Variants in FAM124A observed in about 807,000 individuals in gnomAD.
FAM124A encodes the protein family with sequence similarity 124 member A.
FAM124A carries 23 observed loss-of-function variants against 24.5 expected under a neutral mutation model. The ratio of observed to expected loss-of-function variants is 0.94; its 90% confidence interval spans 0.68 to 1.33. The LOEUF (loss-of-function observed/expected upper bound fraction) is 1.33, where lower values mean the gene tolerates loss of function less well. Ranked by LOEUF, FAM124A falls within the 40% of genes most tolerant of loss-of-function variation. FAM124A has a pLI of 0.00. For synonymous variants in FAM124A, 287 were observed against 314.7 expected (o/e 0.91, Z 0.93); for missense variants, 623 against 722.8 (o/e 0.86, Z 1.58).
In FAM124A at chr13:51,222,417, G is replaced by T; in HGVS notation, c.-85G>T. On this transcript the variant is annotated 5_prime_UTR_variant, in exon 1 of 4. Coordinates refer to ENST00000322475, the MANE Select transcript of FAM124A (RefSeq NM_001242312.2). ...GCCGCCAGACGCTCGGAGGGAGCCC[G>T]GCCGGCTCGGACTGGGCGGCCGGGA... is the stretch of plus-strand genomic sequence containing the variant. 8.9e-7 allele frequency: 1 copy of T among 1,123,290 alleles called. No homozygotes were observed. Among genetic ancestry groups the T allele is most frequent in the Non-Finnish European group, 1.1e-6 (1 of 909,124 alleles). The allele number at this position is 1,123,290 out of a possible 1,614,324, so 69.6% of individuals were successfully genotyped here. A position where few individuals can be genotyped will look rare whatever the true frequency, so the allele number is the denominator to read the frequency against.
rs746644484 is a variant in FAM124A at position 51,281,105 on chromosome 13, C to T, written c.1490C>T (p.Ala497Val). Reference sequence around the variant, plus strand: ...AGCTCCTCAGCGACAGCTCGTGCTGCTCCCCCAGCTCCCAGCACCTCCACC... The same window carrying T: ...AGCTCCTCAGCGACAGCTCGTGCTGTTCCCCCAGCTCCCAGCACCTCCACC... ...SSSSSATARA[A>V]PPAPSTSTLT... Residue 497 changes from alanine to valine, a missense_variant, in exon 4 of 4, where the codon GCT (alanine) becomes GTT (valine). Physicochemically the swap from Ala to Val is moderately conservative, Grantham distance 64. Coordinates refer to ENST00000322475, the MANE Select transcript of FAM124A (RefSeq NM_001242312.2). The T allele has an allele frequency of 3.7e-6, 6 of 1,614,008 alleles. No individual in the cohort carries two copies. Among genetic ancestry groups the T allele is most frequent in the Non-Finnish European group, 3.4e-6 (4 of 1,180,032 alleles).
At position 51,267,911 on chromosome 13, in the gene FAM124A, G is replaced by T. The variant is rs55966229; in HGVS notation, c.835-12539G>T. 4.0e-3 allele frequency among the ~76,000 whole-genome samples: 605 copies of T among 152,334 alleles called. 2 individuals carry two copies. Among genetic ancestry groups the T allele is most frequent in the Non-Finnish European group, 6.4e-3 (437 of 68,034 alleles). ...TAGTCGGTGTGTCAAGACTATCTGT[G>T]CACCAGATGTCACGAGGCATTGGGG... On this transcript the variant is annotated intron_variant, in intron 3 of 3. Coordinates refer to ENST00000322475, the MANE Select transcript of FAM124A (RefSeq NM_001242312.2).
At chr13:51,274,977 TAATC>T (rs1171071313) in intron 3 of FAM124A, among the ~76,000 whole-genome samples, 3 of 152,210 alleles carry the variant, frequency 2.0e-5, no homozygotes, top group African/African-American at 7.2e-5. Flanking sequence ...AATCGTGGCT[TAATC>T]AAGAGTGGCT....
intron 2 of FAM124A, among the ~76,000 whole-genome samples, chr13:51,239,696 T>C (rs766423622): frequency 9.9e-5 from 15 of 152,196 alleles, no homozygotes; most frequent in Non-Finnish European, 1.0e-4. Flanking sequence ...GTAAAAACTG[T>C]ACTCTTTAAA....
chr13:51,247,115 A>C (rs529451904), intron 2 of FAM124A, among the ~76,000 whole-genome samples: 1 of 152,338 alleles, frequency 6.6e-6, no homozygotes, highest in East Asian at 1.9e-4. Context: ...TGGGTGTCCA[A>C]GAAATGAAGC....
chr13:51,243,984 C>T (rs1954529786), intron 2 of FAM124A, among the ~76,000 whole-genome samples: 1 of 152,188 alleles, frequency 6.6e-6, no homozygotes, highest in South Asian at 2.1e-4. Context: ...CCACTCAGTG[C>T]CGTTGATGGG....
At chr13:51,256,642 G>A (rs1394469464) in intron 3 of FAM124A, among the ~76,000 whole-genome samples, 1 of 152,200 alleles carries the variant, frequency 6.6e-6, no homozygotes, top group Non-Finnish European at 1.5e-5. Context: ...GATGTGATGA[G>A]GGACTGATGT....
At chr13:51,236,101 G>A (rs1453361823) in intron 2 of FAM124A, among the ~76,000 whole-genome samples, 1 of 152,190 alleles carries the variant, frequency 6.6e-6, no homozygotes, top group Non-Finnish European at 1.5e-5. Flanking sequence ...TGGGGTTGCT[G>A]TGTCTGAACT....
intron 2 of FAM124A, among the ~76,000 whole-genome samples, chr13:51,239,532 A>G (rs1954470161): frequency 6.6e-6 from 1 of 152,168 alleles, no homozygotes; most frequent in South Asian, 2.1e-4. Context: ...ATATTTTTGC[A>G]CTGTACTTTA....
chr13:51,253,453 T>G (rs1344066243), intron 3 of FAM124A: 1 of 152,256 alleles, frequency 6.6e-6, no homozygotes, highest in Non-Finnish European at 1.5e-5. Flanking sequence ...GTTTTATTAT[T>G]CAATATGCTA....
rs1954934961 is a variant in FAM124A at position 51,281,180 on chromosome 13, A to T, written c.1565A>T (p.Gln522Leu). ...QLPCDTPKVKQTDGDMPPPPG... is the reference protein window; with the variant it reads ...QLPCDTPKVKLTDGDMPPPPG... Reference sequence around the variant, plus strand: ...CCATGCGATACCCCCAAAGTCAAGCAGACTGATGGAGACATGCCACCACCC... The same window carrying T: ...CCATGCGATACCCCCAAAGTCAAGCTGACTGATGGAGACATGCCACCACCC... The change falls in exon 4 of 4, where the codon CAG (glutamine) becomes CTG (leucine). Residue 522 changes from glutamine (Q) to leucine (L), a missense_variant. Physicochemically the swap from Gln to Leu is moderately radical, Grantham distance 113. Coordinates refer to ENST00000322475, the MANE Select transcript of FAM124A (RefSeq NM_001242312.2). The T allele has an allele frequency of 6.2e-7, 1 of 1,612,784 alleles. No homozygotes were observed. Among genetic ancestry groups the T allele is most frequent in the African/African-American group, 1.3e-5 (1 of 74,888 alleles).
chr13:51,280,207 T>C (rs1954921866), intron 3 of FAM124A, among the ~76,000 whole-genome samples: 1 of 152,176 alleles, frequency 6.6e-6, no homozygotes, highest in African/African-American at 2.4e-5. Context: ...GTATTCTGTA[T>C]TGTGATAAGG....
rs781296689 is a variant in FAM124A at position 51,251,859 on chromosome 13, C to T, written c.492C>T (p.Pro164=). ...APGTPLWAIR[P]VHYGKEIVRF... ...GGACGCCGCTTTGGGCCATCCGGCC[C>T]GTGCACTACGGCAAGGAAATCGTGC... Residue 164 remains proline (P), a synonymous_variant, in exon 3 of 4, where the codon CCC becomes CCT. Coordinates refer to ENST00000322475, the MANE Select transcript of FAM124A (RefSeq NM_001242312.2). This position sits in a 1 kb window ranked among gnomAD's most constrained non-coding sequence, Gnocchi z 5.3. The T allele has an allele frequency of 6.2e-7, 1 of 1,613,146 alleles. No individual in the cohort carries two copies.
At chr13:51,273,737 A>C (rs887061191) in intron 3 of FAM124A, among the ~76,000 whole-genome samples, 3 of 152,240 alleles carry the variant, frequency 2.0e-5, no homozygotes, top group African/African-American at 7.2e-5. Flanking sequence ...TTGTTGTTCA[A>C]ATAAAGTAAG....
intron 3 of FAM124A, among the ~76,000 whole-genome samples, chr13:51,274,944 C>T (rs534588198): frequency 1.3e-5 from 2 of 152,296 alleles, no homozygotes; most frequent in South Asian, 2.1e-4. Flanking sequence ...TCAAGTACAA[C>T]TGAGAATGAT....
At chr13:51,245,199 C>A (rs889375051) in intron 2 of FAM124A, 10 of 447,072 alleles carry the variant, frequency 2.2e-5, no homozygotes, top group African/African-American at 8.1e-5. Context: ...AAAGATTGGT[C>A]GGACCAGGTG....
At chr13:51,252,270 A>G (rs1242191986) in intron 3 of FAM124A, 69 bp downstream of exon 3, 4 of 1,545,174 alleles carry the variant, frequency 2.6e-6, no homozygotes, top group Non-Finnish European at 3.5e-6. Context: ...CTCAAACACT[A>G]TAGTACCAGT....
chr13:51,270,110 C>A (rs1393644383), intron 3 of FAM124A, among the ~76,000 whole-genome samples: 1 of 152,120 alleles, frequency 6.6e-6, no homozygotes. Context: ...CTCTGAAGGC[C>A]CTTTGCAACT....
intron 2 of FAM124A, among the ~76,000 whole-genome samples, chr13:51,235,412 A>G (rs1954425791): frequency 1.3e-5 from 2 of 152,220 alleles, no homozygotes; most frequent in African/African-American, 2.4e-5. Context: ...TCTGCCACGT[A>G]ATGCTAACGA....
Sources: allele counts gnomAD v4.1 joint callset (sites outside exome capture counted in the v4.1 genomes callset), GRCh38; gene constraint gnomAD v4.1.1; non-coding constraint Gnocchi (gnomAD v3.1); transcripts MANE v1.5; gene names NCBI Gene and HGNC (gene_info 2026-07-23, HGNC 2026-07-21).